The following SREBF1 variants were observed in gnomAD, a reference collection of about 807,000 sequenced individuals.
SREBF1 encodes the protein sterol regulatory element-binding protein 1.
In SREBF1, 45 loss-of-function variants were observed where a neutral mutation model predicts 100.1. That is an observed-to-expected ratio of 0.45 (90% CI 0.35 to 0.58). The LOEUF is 0.58. Among genes scored for constraint, SREBF1 ranks in the 20% least tolerant of loss-of-function variants. The probability of loss-of-function intolerance (pLI) is 0.00; values close to 1 mark genes in which losing one functional copy is unlikely to be tolerated. For missense variants in SREBF1, 1,324 were observed against 1,539.4 expected (o/e 0.86, Z 2.34); for synonymous variants, 657 against 681.8 (o/e 0.96, Z 0.57).
chr17:17,817,815 G>C lies in SREBF1; in HGVS notation c.1285C>G (p.Pro429Ala), dbSNP rs747159283. 15 of 1,612,566 alleles carry C rather than the reference G, an allele frequency of 9.3e-6. No individual in the cohort carries two copies. The South Asian group carries it at 9.9e-5, about 11-fold the overall frequency. ...TEVEDTLTPPPSDAGSPFQSS... is the reference protein window; with the variant it reads ...TEVEDTLTPPASDAGSPFQSS... ...TGGAAAGGTGAGCCAGCATCCGAGG[G>C]GGGTGGGGTCAGTGTGTCCTCCACC... The change falls in exon 7 of 19, where the codon CCC becomes GCC. Residue 429 changes from proline to alanine, a missense_variant. Coordinates refer to ENST00000261646, the MANE Select transcript of SREBF1 (RefSeq NM_004176.5). This position sits in a 1 kb window ranked among gnomAD's most constrained non-coding sequence, Gnocchi z 6.6.
chr17:17,815,657 C>A, intron 12 of SREBF1: 4 of 624,052 alleles, frequency 6.4e-6, no homozygotes, highest in Non-Finnish European at 1.1e-5. Context: ...ATCTGCCCAT[C>A]AATCCCTGCA....
In SREBF1 at chr17:17,817,703, T is replaced by C. The variant is rs1451680345; in HGVS notation, c.1397A>G (p.Asp466Gly). The change falls in exon 7 of 19, where the codon GAC becomes GGC. Residue 466 changes from aspartate to glycine, a missense_variant. By Grantham distance (94) the Asp-to-Gly change is moderately conservative. Coordinates refer to ENST00000261646, the MANE Select transcript of SREBF1 (RefSeq NM_004176.5). The surrounding 1 kb of genome is among the most constrained non-coding windows in gnomAD (Gnocchi z 6.6). The part of the protein sequence containing the change: ...DSEPDSPVFE[D>G]SKAKPEQRPS... ...ACCGTGGCAGGGCCCAACCTTGCTG[T>C]CCTCAAAGACTGGGCTGTCAGGCTC... 1.2e-6 allele frequency: 2 copies of C among 1,613,124 alleles called. No individual in the cohort carries two copies. Among genetic ancestry groups the C allele is most frequent in the Non-Finnish European group, 1.7e-6 (2 of 1,179,916 alleles).
Position 17,816,301 on chromosome 17 carries a change from C to T in SREBF1, c.2120G>A (p.Gly707Glu), listed in dbSNP as rs753568996. 7.0e-6 allele frequency: 11 copies of T among 1,560,440 alleles called. No individual in the cohort carries two copies. The African/African-American group carries it at 1.7e-4, about 24-fold the overall frequency. The part of the protein sequence containing the change: ...LSALNLAECA[G>E]DAVSVATLAE... ...CAGCGTCGCCACAGACACGGCATCCCCTGCACACTCTGCCAGGTTCAGGGC... is the reference window on the plus strand; with the variant it reads ...CAGCGTCGCCACAGACACGGCATCCTCTGCACACTCTGCCAGGTTCAGGGC... The change falls in exon 11 of 19, where the codon GGG (glycine) becomes GAG (glutamate). Residue 707 changes from glycine to glutamate, a missense_variant. Gly to Glu is a moderately conservative substitution (Grantham distance 98). Transcript: ENST00000261646.
chr17:17,813,511 C>G, intron 17 of SREBF1, 32 bp from the exon 18 acceptor site: 2 of 1,588,744 alleles, frequency 1.3e-6, no homozygotes, highest in Non-Finnish European at 1.7e-6. Flanking sequence ...GCTCAGGGCT[C>G]TCCATCTCCA....
In SREBF1 at chr17:17,819,594, C is replaced by A; in HGVS notation, c.655G>T (p.Ala219Ser). Residue 219 changes from alanine to serine, a missense_variant, in exon 3 of 19, where the codon GCC becomes TCC. Ala to Ser is a moderately conservative substitution (Grantham distance 99). Transcript: ENST00000261646. The part of the protein sequence containing the change: ...VPQQLLTVTA[A>S]PTAAPVTTTV... ...GTCGTTACAGGGGCTGCCGTGGGGG[C>A]AGCTGTGACTGTCAGTAGCTGCTGG... is the stretch of plus-strand genomic sequence containing the variant. The A allele has an allele frequency of 6.2e-7, 1 of 1,613,782 alleles. No individual in the cohort carries two copies. The highest frequency in any genetic ancestry group is 2.2e-5 in the East Asian group (1 of 44,876).
At chr17:17,820,547 G>A in intron 1 of SREBF1, 26 bp from the exon 2 acceptor site, 1 of 1,609,832 alleles carries the variant, frequency 6.2e-7, no homozygotes, top group Non-Finnish European at 8.5e-7. Context: ...GAGGGTGCGT[G>A]AGTGAGGCAG....
In SREBF1 at chr17:17,815,840, G is replaced by A; in HGVS notation, c.2383+20C>T. On this transcript the variant is annotated intron_variant, in intron 12 of 18. Transcript: ENST00000261646. ...AGGATGAGGGACAGGAGAGGGGACA[G>A]GGAAGGGGTAAGAGAGCACCTGGGT... 1 of 1,608,748 alleles carries A rather than the reference G, an allele frequency of 6.2e-7. No individual in the cohort carries two copies. Among genetic ancestry groups the A allele is most frequent in the East Asian group, 2.2e-5 (1 of 44,682 alleles).
intron 1 of SREBF1, chr17:17,823,518 C>T (rs749426882): frequency 9.9e-6 from 16 of 1,612,414 alleles, no homozygotes; most frequent in Non-Finnish European, 1.4e-5. Flanking sequence ...CCAAAAATAC[C>T]TTCGAAAGTG....
intron 16 of SREBF1, 105 bp downstream of exon 16, chr17:17,814,140 G>A (rs2033276189): frequency 1.5e-6 from 2 of 1,331,934 alleles, no homozygotes; most frequent in East Asian, 2.5e-5. Context: ...GTGCTGCTTG[G>A]GCTAACCCCA....
At chr17:17,813,264 C>CT in intron 18 of SREBF1, 104 bp downstream of exon 18, 1 of 1,212,132 alleles carries the variant, frequency 8.2e-7, no homozygotes, top group Middle Eastern at 2.7e-4. Context: ...CCAGGCCTGT[C>CT]TGTCCCGTCT....
chr17:17,811,872 G>T lies in SREBF1; in HGVS notation c.*750C>A. The T allele has an allele frequency of 2.3e-6, 1 of 436,188 alleles. No individual in the cohort carries two copies. The highest frequency in any genetic ancestry group is 1.6e-5 in the South Asian group (1 of 62,064). 27.0% of individuals were successfully genotyped at this position (436,188 alleles called of 1,614,324 possible). A position where few individuals can be genotyped will look rare whatever the true frequency, so the allele number is the denominator to read the frequency against. On this transcript the variant is annotated 3_prime_UTR_variant, in exon 19 of 19. Coordinates refer to ENST00000261646, the MANE Select transcript of SREBF1 (RefSeq NM_004176.5). ...GACACAGCCCAACCATGTGCCCTGGGAGCAGGGGGAACAGGTAGGCTGGAG... is the reference window on the plus strand; with the variant it reads ...GACACAGCCCAACCATGTGCCCTGGTAGCAGGGGGAACAGGTAGGCTGGAG...
In SREBF1 at chr17:17,816,231, G is replaced by A. The variant is rs1347621599; in HGVS notation, c.2190C>T (p.Leu730=). The change falls in exon 11 of 19, where the codon CTC becomes CTT. Residue 730 remains leucine, a synonymous_variant. Transcript: ENST00000261646. ...VAAALRVKTS[L]PRALHFLTRF... ...CTGTCAGAAAATGCAAGGCCCGTGG[G>A]AGACTGGTCTTCACTCTCAATGCAG... The A allele has an allele frequency of 3.0e-6, 3 of 1,012,718 alleles. No homozygotes were observed. Among genetic ancestry groups the A allele is most frequent in the Non-Finnish European group, 3.6e-6 (3 of 831,148 alleles). The allele number at this position is 1,012,718 out of a possible 1,614,324, so 62.7% of individuals were successfully genotyped here.
At chr17:17,815,017 A>G in intron 13 of SREBF1, 73 bp from the exon 14 acceptor site, 1 of 1,415,974 alleles carries the variant, frequency 7.1e-7, no homozygotes, top group South Asian at 1.2e-5. Flanking sequence ...CCTGCCCTCC[A>G]GAGTACAGCC....
In SREBF1 at chr17:17,817,156, T is replaced by C. The variant is rs2033675921; in HGVS notation, c.1607-20A>G. 1 of 1,612,814 alleles carries C rather than the reference T, an allele frequency of 6.2e-7. No individual in the cohort carries two copies. Among genetic ancestry groups the C allele is most frequent in the African/African-American group, 1.3e-5 (1 of 74,906 alleles). On this transcript the variant is annotated intron_variant, in intron 8 of 18. Coordinates refer to ENST00000261646, the MANE Select transcript of SREBF1 (RefSeq NM_004176.5). This position sits in a 1 kb window ranked among gnomAD's most constrained non-coding sequence, Gnocchi z 6.6. ...GGCCATCTATGGACAGAGGGAAAGC[T>C]GGGGACACAGCTCCCAGGAAATCCA...
At chr17:17,831,210 G>A (rs1448940468) in intron 1 of SREBF1, among the ~76,000 whole-genome samples, 2 of 149,584 alleles carry the variant, frequency 1.3e-5, no homozygotes, top group Admixed American at 6.7e-5. Context: ...GAGTGCCAGT[G>A]CTTGGTGGAA....
chr17:17,831,497 A>G (rs2034856811), intron 1 of SREBF1, among the ~76,000 whole-genome samples: 1 of 152,148 alleles, frequency 6.6e-6, no homozygotes, highest in African/African-American at 2.4e-5. Context: ...TCCGACAGAC[A>G]AAGAGCAGAC....
chr17:17,831,892 GCAGGCAGCAGGA>G (rs770016610), intron 1 of SREBF1, among the ~76,000 whole-genome samples: 1 of 152,200 alleles, frequency 6.6e-6, no homozygotes, highest in Non-Finnish European at 1.5e-5. Flanking sequence ...TTTGGCTGTG[GCAGGCAGCAGGA>G]CCGGATGGGG....
chr17:17,814,728 C>T lies in SREBF1; in HGVS notation c.2622G>A (p.Lys874=), dbSNP rs2033352936. ...CCACAGCTGTCAGAGAGGCCCACCA[C>T]TTGGCCACCGGGTCTACGCCTGCAG... ...ATTTGVDPVA[K]WWASLTAVVI... The change falls in exon 15 of 19, where the codon AAG becomes AAA. Residue 874 remains lysine (K), a synonymous_variant. Transcript: ENST00000261646. 1 of 1,610,298 alleles carries T rather than the reference C, an allele frequency of 6.2e-7. No individual in the cohort carries two copies. Among genetic ancestry groups the T allele is most frequent in the Non-Finnish European group, 8.5e-7 (1 of 1,179,230 alleles).
At chr17:17,814,791 C>T (rs372699126) in intron 14 of SREBF1, 44 bp from the exon 15 acceptor site, 12 of 1,609,476 alleles carry the variant, frequency 7.5e-6, no homozygotes, top group Admixed American at 6.7e-5. Flanking sequence ...TCACGCTGCA[C>T]GGGGGAGCTG....
Sources: allele counts gnomAD v4.1 joint callset (sites outside exome capture counted in the v4.1 genomes callset), GRCh38; gene constraint gnomAD v4.1.1; non-coding constraint Gnocchi (gnomAD v3.1); transcripts MANE v1.5; gene names NCBI Gene and HGNC (gene_info 2026-07-23, HGNC 2026-07-21).